The following NSD2 variants were observed in gnomAD, a reference collection of about 807,000 sequenced individuals.
NSD2 encodes nuclear receptor binding SET domain protein 2.
Under a neutral mutation model 139.0 loss-of-function variants are expected in NSD2, and 12 were observed. That is an observed-to-expected ratio of 0.09 (90% CI 0.06 to 0.14). The LOEUF (loss-of-function observed/expected upper bound fraction) is 0.14. NSD2 is among the 10% of genes least tolerant of loss of function. The pLI is 1.00. For synonymous variants in NSD2, 669 were observed against 648.7 expected (o/e 1.03, Z -0.48); for missense variants, 1,155 against 1,745.0 (o/e 0.66, Z 6.02).
chr4:1,895,888 G>A (rs1445212979), intron 1 of NSD2, among the ~76,000 whole-genome samples: 1 of 152,224 alleles, frequency 6.6e-6, no homozygotes, highest in Non-Finnish European at 1.5e-5. Flanking sequence ...GTTTGCTGAG[G>A]GCCCAGCCCT....
In NSD2 at chr4:1,904,235, C is replaced by G. The variant is rs1325234907; in HGVS notation, c.617C>G (p.Ser206Cys). ...SDKKIPAKKE[S>C]CPNTGRDKDH... The stretch of plus-strand genomic sequence containing the variant: ...TTTCAGATTCCAGCTAAGAAAGAGT[C>G]TTGTCCAAACACTGGAAGAGACAAA... The change falls in exon 3 of 22, where the codon TCT (serine) becomes TGT (cysteine). Residue 206 changes from serine (S) to cysteine (C), a missense_variant. By Grantham distance (112) the Ser-to-Cys change is moderately radical. This residue lies in a region of NSD2 where 246 missense variants were observed against 262.8 expected (regional missense o/e 0.94). Coordinates refer to ENST00000508803, the MANE Select transcript of NSD2 (RefSeq NM_001042424.3). The G allele has an allele frequency of 9.9e-6, 16 of 1,613,296 alleles. No individual in the cohort carries two copies. Among genetic ancestry groups the G allele is most frequent in the Non-Finnish European group, 1.2e-5 (14 of 1,179,654 alleles).
At position 1,953,434 on chromosome 4, in the gene NSD2, A is replaced by G; in HGVS notation, c.2248A>G (p.Thr750Ala). Reference sequence around the variant, plus strand: ...GGCTTGTGTGAAAAAATACCCTCTGACTGTATTTGAGAGCCGAGGTTTCCG... The same window carrying G: ...GGCTTGTGTGAAAAAATACCCTCTGGCTGTATTTGAGAGCCGAGGTTTCCG... ...HEACVKKYPL[T>A]VFESRGFRCP... The change falls in exon 12 of 22, where the codon ACT (threonine) becomes GCT (alanine). Residue 750 changes from threonine (T) to alanine (A), a missense_variant. Physicochemically the swap from Thr to Ala is moderately conservative, Grantham distance 58. Transcript: ENST00000508803. 6.2e-7 allele frequency: 1 copy of G among 1,614,092 alleles called. No individual in the cohort carries two copies. Among genetic ancestry groups the G allele is most frequent in the Non-Finnish European group, 8.5e-7 (1 of 1,180,008 alleles).
At chr4:1,879,668 T>C (rs904719599) in intron 1 of NSD2, among the ~76,000 whole-genome samples, 1 of 152,172 alleles carries the variant, frequency 6.6e-6, no homozygotes, top group Non-Finnish European at 1.5e-5. Context: ...TGATGAGCCG[T>C]GCCCTGTCCC....
At chr4:1,937,629 C>T (rs1045308389) in intron 7 of NSD2, among the ~76,000 whole-genome samples, 3 of 152,206 alleles carry the variant, frequency 2.0e-5, no homozygotes, top group African/African-American at 7.2e-5. Flanking sequence ...GCACTTCTGA[C>T]ATGCTAGGCA....
At chr4:1,945,882 T>G (rs1167710337) in intron 9 of NSD2, 2 of 1,060,504 alleles carry the variant, frequency 1.9e-6, no homozygotes, top group African/African-American at 3.3e-5. Flanking sequence ...GGCAACTTGC[T>G]TCATTTCTTT....
chr4:1,893,490 ACT>A (rs1159983736), intron 1 of NSD2, among the ~76,000 whole-genome samples: 2 of 147,156 alleles, frequency 1.4e-5, no homozygotes, highest in African/African-American at 5.1e-5. Flanking sequence ...AAATAAATAA[ACT>A]CTCAGTCTTT....
intron 2 of NSD2, among the ~76,000 whole-genome samples, chr4:1,902,612 T>C (rs1717331603): frequency 6.6e-6 from 1 of 152,142 alleles, no homozygotes; most frequent in South Asian, 2.1e-4. Flanking sequence ...GAGTCCTAGC[T>C]GTTTTGTTTT....
chr4:1,898,285 C>T (rs182308802), intron 1 of NSD2, among the ~76,000 whole-genome samples: 1 of 152,200 alleles, frequency 6.6e-6, no homozygotes, highest in Non-Finnish European at 1.5e-5. Flanking sequence ...TGGGCTCTCA[C>T]TGTCTTGCCC....
At chr4:1,872,591 T>TGTGTGAGAGAGAGAGA (rs1281608141) in intron 1 of NSD2, among the ~76,000 whole-genome samples, 59 of 44,866 alleles carry the variant, frequency 1.3e-3, no homozygotes, top group Admixed American at 2.4e-3. Flanking sequence ...TGTGTGTGTG[T>TGTGTGAGAGAGAGAGA]GAGAGAGAGA....
intron 9 of NSD2, chr4:1,946,830 C>A: frequency 9.5e-7 from 1 of 1,056,556 alleles, no homozygotes; most frequent in Non-Finnish European, 1.1e-6. Flanking sequence ...GGTGTCTCTC[C>A]AACAGCCCGA....
At chr4:1,946,918 C>T (rs1478324324) in intron 9 of NSD2, 1 of 1,059,222 alleles carries the variant, frequency 9.4e-7, no homozygotes, top group Non-Finnish European at 1.1e-6. Context: ...TTTTTCTAGC[C>T]TACCTATAGT....
chr4:1,973,925 G>A lies in NSD2; in HGVS notation c.3373-938G>A, dbSNP rs765718720. 7.3e-5 allele frequency among the ~76,000 whole-genome samples: 11 copies of A among 151,708 alleles called. No individual in the cohort carries two copies. The highest frequency in any genetic ancestry group is 2.4e-4 in the African/African-American group (10 of 41,430). ...CCATTCCCTGCTGCTGGGTGGAGAT[G>A]TTGTCTCCAGTTCCTGCCTTTGGCC... On this transcript the variant is annotated intron_variant, in intron 18 of 21. Coordinates refer to ENST00000508803, the MANE Select transcript of NSD2 (RefSeq NM_001042424.3). The surrounding 1 kb of genome is among the most constrained non-coding windows in gnomAD (Gnocchi z 5.5).
intron 10 of NSD2, 168 bp from the exon 11 acceptor site, chr4:1,951,940 T>C: frequency 9.5e-7 from 1 of 1,058,058 alleles, no homozygotes; most frequent in Non-Finnish European, 1.3e-6. Flanking sequence ...ATTCTGTATT[T>C]GTACGTTCTG....
intron 7 of NSD2, 35 bp from the exon 8 acceptor site, chr4:1,938,416 C>CCTTTTTTTTTTTTTTTTTTTTTTTTTTTT (rs1722696881): frequency 6.1e-6 from 2 of 325,844 alleles, no homozygotes; most frequent in South Asian, 5.7e-5. Context: ...TTTTTTCTTT[C>CCTTTTTTTTTTTTTTTTTTTTTTTTTTTT]TTTTTTTTTT....
Position 1,976,230 on chromosome 4 carries a change from A to G in NSD2, c.3622-245A>G, listed in dbSNP as rs1282680099. Reference sequence around the variant, plus strand: ...GTGTGTCTGCTGAGATGCTGCTGAGATGCGTCATTGCAGGCTTCCGACAAA... The same window carrying G: ...GTGTGTCTGCTGAGATGCTGCTGAGGTGCGTCATTGCAGGCTTCCGACAAA... On this transcript the variant is annotated intron_variant, in intron 20 of 21. Transcript: ENST00000508803. This position sits in a 1 kb window ranked among gnomAD's most constrained non-coding sequence, Gnocchi z 5.3. 3.8e-6 allele frequency: 2 copies of G among 523,486 alleles called. No individual in the cohort carries two copies. Among genetic ancestry groups the G allele is most frequent in the Admixed American group, 6.6e-5 (2 of 30,276 alleles). 32.4% of individuals were successfully genotyped at this position (523,486 alleles called of 1,614,324 possible).
chr4:1,971,902 T>G (rs1726522220), intron 18 of NSD2, among the ~76,000 whole-genome samples: 1 of 152,328 alleles, frequency 6.6e-6, no homozygotes, highest in Middle Eastern at 3.4e-3. Context: ...ACTACAAGTA[T>G]GCTTAGCTTG....
At chr4:1,918,022 C>G (rs1719632385) in intron 4 of NSD2, 119 bp from the exon 5 acceptor site, 4 of 1,233,394 alleles carry the variant, frequency 3.2e-6, no homozygotes, top group African/African-American at 3.0e-5. Context: ...CTCAAGTGAT[C>G]CATCTGCCTT....
Position 1,935,243 on chromosome 4 carries a change from A to T in NSD2, c.1655A>T (p.Asp552Val). ...ACACCCAGGAAAAGACTCAGGACGG[A>T]CAAGCACAGTCTTCGGAAGGTAATT... ...EDTPRKRLRT[D>V]KHSLRKRDTI... Residue 552 changes from aspartate (D) to valine (V), a missense_variant, in exon 7 of 22, where the codon GAC becomes GTC. Physicochemically the swap from Asp to Val is radical, Grantham distance 152 (BLOSUM62 -3). Coordinates refer to ENST00000508803, the MANE Select transcript of NSD2 (RefSeq NM_001042424.3). 1 of 1,613,100 alleles carries T rather than the reference A, an allele frequency of 6.2e-7. No homozygotes were observed. Among genetic ancestry groups the T allele is most frequent in the South Asian group, 1.1e-5 (1 of 90,950 alleles).
rs552670957 is a variant in NSD2, at chr4:1,953,012, C to T, written c.2138-312C>T. ...CCAGCTGCTCTCAAGGAGGAAAGGCCTCTTTTCATAGGAGCCCCTTCTTTC... is the reference window on the plus strand; with the variant it reads ...CCAGCTGCTCTCAAGGAGGAAAGGCTTCTTTTCATAGGAGCCCCTTCTTTC... On this transcript the variant is annotated intron_variant, in intron 11 of 21. Coordinates refer to ENST00000508803, the MANE Select transcript of NSD2 (RefSeq NM_001042424.3). The T allele has an allele frequency of 9.1e-5, 131 of 1,440,330 alleles. No individual in the cohort carries two copies. The South Asian group carries it at 1.7e-3, about 19-fold the overall frequency. 89.2% of individuals were successfully genotyped at this position (1,440,330 alleles called of 1,614,324 possible).
Sources: gnomAD v4.1 joint callset for allele counts (sites outside exome capture counted in the v4.1 genomes callset) on GRCh38, gnomAD v4.1.1 for gene constraint, gnomAD v4.1.1 regional missense constraint, Gnocchi (gnomAD v3.1) non-coding constraint, MANE v1.5 for transcripts, NCBI Gene and HGNC (gene_info 2026-07-23, HGNC 2026-07-21) for gene names.